ZNF610: variants seen among roughly 807,000 people sequenced by gnomAD.
ZNF610 encodes the protein zink finger protein.
ZNF610 carries 14 observed loss-of-function variants against 14.1 expected under a neutral mutation model. The ratio of observed to expected loss-of-function variants is 0.99; its 90% confidence interval spans 0.65 to 1.55. The LOEUF (loss-of-function observed/expected upper bound fraction) is 1.55. ZNF610 is among the 40% of genes most tolerant of loss of function. The pLI is 0.00. For missense variants in ZNF610, 530 were observed against 558.0 expected (o/e 0.95, Z 0.51); for synonymous variants, 185 against 187.6 (o/e 0.99, Z 0.11).
At chr19:52,357,860 T>C (rs1985606400) in intron 5 of ZNF610, among the ~76,000 whole-genome samples, 1 of 151,726 alleles carries the variant, frequency 6.6e-6, no homozygotes, top group Admixed American at 6.6e-5. Flanking sequence ...GGAAAGAACA[T>C]AGGGTCAGGT....
Position 52,366,818 on chromosome 19 carries a change from C to A in ZNF610, c.*51C>A. On this transcript the variant is annotated 3_prime_UTR_variant, in exon 6 of 6. Coordinates refer to ENST00000403906, the MANE Select transcript of ZNF610 (RefSeq NM_001161425.2). ...TCACACCTAGCACAACATTGGAGGA[C>A]TCAGGAGAAAAACCTTACAAATATC... 1 of 1,425,880 alleles carries A rather than the reference C, an allele frequency of 7.0e-7. No individual in the cohort carries two copies. Among genetic ancestry groups the A allele is most frequent in the Non-Finnish European group, 9.6e-7 (1 of 1,040,718 alleles). 88.3% of individuals were successfully genotyped at this position (1,425,880 alleles called of 1,614,324 possible).
At chr19:52,354,098 A>G (rs1490761373) in intron 4 of ZNF610, among the ~76,000 whole-genome samples, 153 bp from the exon 5 acceptor site, 1 of 152,178 alleles carries the variant, frequency 6.6e-6, no homozygotes, top group South Asian at 2.1e-4. Flanking sequence ...TACATATTGC[A>G]TATTCCCTAA....
rs780017371 is a variant in ZNF610 at position 52,366,801 on chromosome 19, A to C, written c.*34A>C. ...AAATCTTTAGTTAGAATTCACACCT[A>C]GCACAACATTGGAGGACTCAGGAGA... On this transcript the variant is annotated 3_prime_UTR_variant, in exon 6 of 6. Transcript: ENST00000403906. 1 of 1,518,480 alleles carries C rather than the reference A, an allele frequency of 6.6e-7. No homozygotes were observed. Among genetic ancestry groups the C allele is most frequent in the Non-Finnish European group, 9.0e-7 (1 of 1,108,000 alleles). The allele number at this position is 1,518,480 out of a possible 1,614,324, so 94.1% of individuals were successfully genotyped here. A position where few individuals can be genotyped will look rare whatever the true frequency, so the allele number is the denominator to read the frequency against.
upstream of ZNF610, among the ~76,000 whole-genome samples, chr19:52,332,523 C>T (rs1424837789): frequency 2.6e-5 from 4 of 152,124 alleles, no homozygotes; most frequent in African/African-American, 9.7e-5. This position sits in a 1 kb window ranked among gnomAD's most constrained non-coding sequence, Gnocchi z 4.1. Context: ...TTGCTCTACC[C>T]ACAGCTCCAA....
At chr19:52,341,763 A>G (rs1203044640) in intron 1 of ZNF610, among the ~76,000 whole-genome samples, 1 of 152,078 alleles carries the variant, frequency 6.6e-6, no homozygotes, top group Non-Finnish European at 1.5e-5. Context: ...AGTAGGTAGG[A>G]CTACAGGCAT....
In ZNF610 at chr19:52,366,433, T is replaced by C. The variant is rs1422919560; in HGVS notation, c.1055T>C (p.Val352Ala). 1 of 1,614,158 alleles carries C rather than the reference T, an allele frequency of 6.2e-7. No individual in the cohort carries two copies. Among genetic ancestry groups the C allele is most frequent in the Non-Finnish European group, 8.5e-7 (1 of 1,180,028 alleles). Residue 352 changes from valine to alanine, a missense_variant, in exon 6 of 6, where the codon GTC (valine) becomes GCC (alanine). By Grantham distance (64) the Val-to-Ala change is moderately conservative. Transcript: ENST00000403906. ...TACAAATGTAATGAATGTGGCAAGG[T>C]CTTTAGTCTGCTTTCATACCTTGCA... ...KPYKCNECGK[V>A]FSLLSYLARH... is the part of the protein sequence containing the mutation.
At chr19:52,346,220 T>C (rs1315012277) in intron 1 of ZNF610, among the ~76,000 whole-genome samples, 1 of 151,018 alleles carries the variant, frequency 6.6e-6, no homozygotes. Flanking sequence ...AGTCTCTCTC[T>C]GTTGCCCAGG....
intron 1 of ZNF610, among the ~76,000 whole-genome samples, chr19:52,338,617 G>A (rs1023781263): frequency 6.6e-6 from 1 of 152,178 alleles, no homozygotes; most frequent in African/African-American, 2.4e-5. Context: ...AGAGGTGGAG[G>A]TTGCAGTGGG....
chr19:52,346,079 A>G (rs1292840964), intron 1 of ZNF610, among the ~76,000 whole-genome samples: 1 of 150,878 alleles, frequency 6.6e-6, no homozygotes, highest in Non-Finnish European at 1.5e-5. Flanking sequence ...GCTCACTGCA[A>G]CCTCCGCTTT....
chr19:52,354,497 C>T, intron 5 of ZNF610, 118 bp downstream of exon 5: 9 of 1,170,550 alleles, frequency 7.7e-6, no homozygotes, highest in Non-Finnish European at 1.1e-5. Context: ...ACTGCAGCCT[C>T]AAACTCCTGG....
chr19:52,363,149 A>G (rs1236545761), intron 5 of ZNF610, among the ~76,000 whole-genome samples: 4 of 147,664 alleles, frequency 2.7e-5, no homozygotes, highest in Non-Finnish European at 4.5e-5. Context: ...TTTTTGAGAC[A>G]TAGTCTCACC....
chr19:52,352,552 A>G (rs1472349194), intron 3 of ZNF610, among the ~76,000 whole-genome samples: 1 of 152,040 alleles, frequency 6.6e-6, no homozygotes, highest in Admixed American at 6.6e-5. Context: ...CTTGCTTTCA[A>G]TATATTCGTA....
intron 1 of ZNF610, among the ~76,000 whole-genome samples, chr19:52,336,999 G>A (rs1984417748): frequency 6.6e-6 from 1 of 152,138 alleles, no homozygotes; most frequent in Non-Finnish European, 1.5e-5. Flanking sequence ...AGAAGCATGA[G>A]GGAGATCCAT....
chr19:52,366,203 T>C lies in ZNF610; in HGVS notation c.825T>C (p.Leu275=), dbSNP rs753765292. 3.1e-6 allele frequency: 5 copies of C among 1,613,854 alleles called. No homozygotes were observed. In the African/African-American group the frequency reaches 6.7e-5, roughly 22 times the overall value. The change falls in exon 6 of 6, where the codon CTT becomes CTC. Residue 275 remains leucine (L), a synonymous_variant. Transcript: ENST00000403906. The part of the protein sequence containing the change: ...CDKVFNRNSN[L]ARHQRIHTGE... ...AGGTGTTTAATCGCAATTCAAACCT[T>C]GCACGACATCAAAGAATTCATACTG...
At chr19:52,353,538 A>C in intron 3 of ZNF610, 144 bp from the exon 4 acceptor site, 1 of 878,030 alleles carries the variant, frequency 1.1e-6, no homozygotes. Context: ...GAATGTGAAC[A>C]TTTACTAGAG....
chr19:52,355,383 C>T (rs1029401420), intron 5 of ZNF610, among the ~76,000 whole-genome samples: 4 of 152,172 alleles, frequency 2.6e-5, no homozygotes, highest in African/African-American at 9.7e-5. Context: ...CTCCAGCCCC[C>T]TCTGCCTGTT....
chr19:52,332,191 G>T (rs1984230908), upstream of ZNF610, among the ~76,000 whole-genome samples: 1 of 151,032 alleles, frequency 6.6e-6, no homozygotes, highest in South Asian at 2.1e-4. The surrounding 1 kb of genome is among the most constrained non-coding windows in gnomAD (Gnocchi z 4.1). Flanking sequence ...GGAATAATTT[G>T]TCTATTGAAG....
chr19:52,343,492 C>T (rs1984782765), intron 1 of ZNF610, among the ~76,000 whole-genome samples: 2 of 39,064 alleles, frequency 5.1e-5, no homozygotes, highest in South Asian at 2.1e-3. Context: ...TTGCTTGGAC[C>T]TGAGGCAGAG....
At position 52,366,822 on chromosome 19, in the gene ZNF610, G is replaced by A; in HGVS notation, c.*55G>A. The A allele has an allele frequency of 7.2e-7, 1 of 1,387,694 alleles. No individual in the cohort carries two copies. The highest frequency in any genetic ancestry group is 1.3e-5 in the South Asian group (1 of 74,478). The allele number at this position is 1,387,694 out of a possible 1,614,324, so 86.0% of individuals were successfully genotyped here. A position where few individuals can be genotyped will look rare whatever the true frequency, so the allele number is the denominator to read the frequency against. ...ACCTAGCACAACATTGGAGGACTCA[G>A]GAGAAAAACCTTACAAATATCATAA... is the stretch of plus-strand genomic sequence containing the variant. On this transcript the variant is annotated 3_prime_UTR_variant, in exon 6 of 6. Coordinates refer to ENST00000403906, the MANE Select transcript of ZNF610 (RefSeq NM_001161425.2).
Sources: allele counts gnomAD v4.1 joint callset (sites outside exome capture counted in the v4.1 genomes callset), GRCh38; gene constraint gnomAD v4.1.1; non-coding constraint Gnocchi (gnomAD v3.1); transcripts MANE v1.5; gene names NCBI Gene and HGNC (gene_info 2026-07-23, HGNC 2026-07-21).